Variants in CRB1 observed in about 807,000 individuals in gnomAD.
CRB1 encodes the protein crumbs cell polarity complex component 1.
In CRB1, 83 loss-of-function variants were observed where a neutral mutation model predicts 120.0. The ratio of observed to expected loss-of-function variants is 0.69; its 90% CI spans 0.58 to 0.83. CRB1 has a LOEUF of 0.83. Ranked by LOEUF, CRB1 falls within the 40% of genes least tolerant of loss-of-function variation. The probability of loss-of-function intolerance (pLI) is 0.00; values close to 1 mark genes in which losing one functional copy is unlikely to be tolerated. For missense variants in CRB1, 1,699 were observed against 1,687.6 expected, an observed-to-expected ratio of 1.01 and a Z score of -0.12; for synonymous variants, 625 against 612.5, an observed-to-expected ratio of 1.02 and a Z score of -0.30.
chr1:197,238,558 C>CAACTAG, the CRB1 span, among the ~76,000 whole-genome samples: 1 of 151,952 alleles, frequency 6.6e-6, no homozygotes. Flanking sequence ...AGTAAATCAC[C>CAACTAG]AACTAGACCA....
intron 3 of CRB1, among the ~76,000 whole-genome samples, chr1:197,345,503 T>C (rs866312347): frequency 2.7e-5 from 2 of 72,806 alleles, no homozygotes; most frequent in Admixed American, 1.2e-4. Flanking sequence ...AAATAATGAC[T>C]TTTTTTTTTT....
chr1:197,442,328 C>T (rs775651740), intron 11 of CRB1, 36 bp downstream of exon 11: 25 of 1,613,846 alleles, frequency 1.5e-5, no homozygotes, highest in Non-Finnish European at 1.7e-5. Context: ...CTCTCTTATT[C>T]TGGCAGAATC....
chr1:197,231,116 T>A, the CRB1 span, among the ~76,000 whole-genome samples: 2 of 152,184 alleles, frequency 1.3e-5, no homozygotes, highest in African/African-American at 4.8e-5. Context: ...GGTTCTTGTA[T>A]GAAGACAAGA....
At chr1:197,220,347 G>T in the CRB1 span, among the ~76,000 whole-genome samples, 2 of 152,118 alleles carry the variant, frequency 1.3e-5, no homozygotes, top group African/African-American at 4.8e-5. Context: ...GAACTTAGAA[G>T]AAGTAAAATA....
intron 11 of CRB1, among the ~76,000 whole-genome samples, chr1:197,453,846 T>G (rs1666118804): frequency 7.1e-6 from 1 of 140,610 alleles, no homozygotes; most frequent in Admixed American, 7.4e-5. Context: ...ATTATCAATA[T>G]TATTATTAAT....
chr1:197,268,396 G>C lies in CRB1; in HGVS notation c.-17G>C, dbSNP rs1394388026. On this transcript the variant is annotated 5_prime_UTR_variant, in exon 1 of 12. It removes an upstream start codon present in the reference 5' UTR. Coordinates refer to ENST00000367400, the MANE Select transcript of CRB1 (RefSeq NM_201253.3). ...GACCACCAGCAACACACCAGAGGAT[G>C]TTCTCTAAATAAGACCATGGCACTT... The C allele has an allele frequency of 6.3e-7, 1 of 1,589,550 alleles. No individual in the cohort carries two copies. Among genetic ancestry groups the C allele is most frequent in the Non-Finnish European group, 8.6e-7 (1 of 1,157,996 alleles).
intron 1 of CRB1, among the ~76,000 whole-genome samples, chr1:197,291,266 C>T (rs1211768097): frequency 1.3e-5 from 2 of 151,778 alleles, no homozygotes; most frequent in Non-Finnish European, 2.9e-5. Context: ...AGTGAGTGGA[C>T]ATGTGTCTTT....
At chr1:197,219,612 C>G in the CRB1 span, among the ~76,000 whole-genome samples, 1 of 152,196 alleles carries the variant, frequency 6.6e-6, no homozygotes, top group Admixed American at 6.5e-5. Flanking sequence ...TGTCGCACAG[C>G]GAATACGCAG....
chr1:197,201,852 T>A, the CRB1 span, among the ~76,000 whole-genome samples: 5 of 152,132 alleles, frequency 3.3e-5, no homozygotes, highest in Middle Eastern at 3.4e-3. Context: ...AGAAAAAAAA[T>A]TTTATACCTA....
the CRB1 span, among the ~76,000 whole-genome samples, chr1:197,252,582 ATGTG>A: frequency 9.3e-3 from 143 of 15,456 alleles, no homozygotes; most frequent in Non-Finnish European, 0.014. Flanking sequence ...ATATATATAT[ATGTG>A]TGTGTGTGTG....
At chr1:197,435,717 G>T (rs1665128162) in intron 9 of CRB1, 105 bp downstream of exon 9, 2 of 1,006,334 alleles carry the variant, frequency 2.0e-6, no homozygotes, top group Non-Finnish European at 3.0e-6. Flanking sequence ...TATATACTGT[G>T]CTGAACAGGG....
At position 197,268,405 on chromosome 1, in the gene CRB1, A is replaced by G. The variant is rs1322054631; in HGVS notation, c.-8A>G. On this transcript the variant is annotated 5_prime_UTR_variant, in exon 1 of 12. Transcript: ENST00000367400. ...CAACACACCAGAGGATGTTCTCTAA[A>G]TAAGACCATGGCACTTAAGAACATT... 2 of 1,601,876 alleles carry G rather than the reference A, an allele frequency of 1.2e-6. No homozygotes were observed. Among genetic ancestry groups the G allele is most frequent in the East Asian group, 2.2e-5 (1 of 44,804 alleles).
chr1:197,356,773 A>G, intron 4 of CRB1, 58 bp from the exon 5 acceptor site: 1 of 1,572,494 alleles, frequency 6.4e-7, no homozygotes, highest in Non-Finnish European at 8.7e-7. Context: ...CTTTTAGGCA[A>G]ATGCTCTATA....
chr1:197,467,067 G>C (rs1666778275), intron 11 of CRB1, among the ~76,000 whole-genome samples: 1 of 152,180 alleles, frequency 6.6e-6, no homozygotes, highest in East Asian at 1.9e-4. Context: ...GTAGAGCAGA[G>C]AGAAATAAGC....
chr1:197,372,197 TC>T (rs1472997921), intron 5 of CRB1, among the ~76,000 whole-genome samples: 1 of 152,028 alleles, frequency 6.6e-6, no homozygotes, highest in African/African-American at 2.4e-5. Context: ...TCAACTCTAC[TC>T]CCCAGGGCCC....
intron 5 of CRB1, chr1:197,357,456 C>T (rs533164560): frequency 4.8e-6 from 1 of 208,890 alleles, no homozygotes; most frequent in East Asian, 1.2e-4. Flanking sequence ...TAAAGTCATT[C>T]CACATATCAA....
chr1:197,415,852 C>G lies in CRB1; in HGVS notation c.1172-5148C>G, dbSNP rs181605071. Among the ~76,000 whole-genome samples the G allele has an allele frequency of 6.9e-3, 1,053 of 152,098 alleles. 11 individuals carry two copies. Among genetic ancestry groups the G allele is most frequent in the African/African-American group, 0.021 (883 of 41,492 alleles). Reference sequence around the variant, plus strand: ...AGAGATGGGGTTTCACCGTGTTAGCCAGGATGGTCTCGATCTCCTGATCTC... The same window carrying G: ...AGAGATGGGGTTTCACCGTGTTAGCGAGGATGGTCTCGATCTCCTGATCTC... On this transcript the variant is annotated intron_variant, in intron 5 of 11. Transcript: ENST00000367400.
the CRB1 span, among the ~76,000 whole-genome samples, chr1:197,205,426 A>G: frequency 1.3e-5 from 2 of 152,186 alleles, no homozygotes; most frequent in South Asian, 2.1e-4. Flanking sequence ...TGTCCCTTCT[A>G]TGCCGATTTT....
At chr1:197,309,933 G>A (rs978481304) in intron 1 of CRB1, among the ~76,000 whole-genome samples, 1 of 152,048 alleles carries the variant, frequency 6.6e-6, no homozygotes, top group African/African-American at 2.4e-5. Flanking sequence ...GACACCTGCT[G>A]GACTAACAAT....
Sources: allele counts gnomAD v4.1 joint callset (sites outside exome capture counted in the v4.1 genomes callset), GRCh38; gene constraint gnomAD v4.1.1; transcripts MANE v1.5; gene names NCBI Gene and HGNC (gene_info 2026-07-23, HGNC 2026-07-21).